The following ADAP1 variants were observed in gnomAD, a reference collection of about 807,000 sequenced individuals.
ADAP1 encodes ArfGAP with dual PH domains 1, also known as arf-GAP with dual PH domain-containing protein 1.
A neutral mutation model predicts 54.9 loss-of-function variants in ADAP1; 31 were observed. The observed-to-expected ratio is 0.56, with a 90% confidence interval of 0.42 to 0.76. The LOEUF (loss-of-function observed/expected upper bound fraction) is 0.76. Among genes scored for constraint, ADAP1 ranks in the 30% least tolerant of loss-of-function variants. The pLI, the probability that ADAP1 is intolerant of heterozygous loss-of-function variation, is 0.00. For synonymous variants in ADAP1, 313 were observed against 202.6 expected, an observed-to-expected ratio of 1.55 and a Z score of -4.63; for missense variants, 535 against 512.4, an observed-to-expected ratio of 1.04 and a Z score of -0.42.
intron 4 of ADAP1, among the ~76,000 whole-genome samples, chr7:913,353 A>C (rs914715981): frequency 2.0e-5 from 3 of 151,796 alleles, no homozygotes; most frequent in Non-Finnish European, 4.4e-5. Flanking sequence ...GGCGCCCGCC[A>C]CCACACCCAG....
intron 4 of ADAP1, among the ~76,000 whole-genome samples, chr7:919,303 C>G (rs1846064328): frequency 6.6e-6 from 1 of 152,266 alleles, no homozygotes; most frequent in East Asian, 1.9e-4. Context: ...CCCTGCAGGC[C>G]ACCCCCGAAT....
rs1223851432 is a variant in ADAP1, at chr7:904,252, C to T, written c.522G>A (p.Val174=). Residue 174 remains valine, a synonymous_variant, in exon 6 of 11, where the codon GTG becomes GTA. Transcript: ENST00000265846. ...NRNDAKEPKA[V]MKIEHLNATF... is the part of the protein sequence containing the mutation. ...TGGCGTTCAGGTGCTCGATCTTCAT[C>T]ACGGCCTTGGGCTCCTTGGCCTGAG... 1 of 1,604,088 alleles carries T rather than the reference C, an allele frequency of 6.2e-7. No homozygotes were observed. Among genetic ancestry groups the T allele is most frequent in the Non-Finnish European group, 8.5e-7 (1 of 1,175,244 alleles).
In ADAP1 at chr7:900,259, C is replaced by T. The variant is rs1191015691; in HGVS notation, c.733-95G>A. ...CCCTCTGTGCTCCCCTCACCCCGGG[C>T]CACCAGGTCAGGGCCCAGGCCTGGC... On this transcript the variant is annotated intron_variant, in intron 7 of 10. Transcript: ENST00000265846. The T allele has an allele frequency of 2.0e-6, 3 of 1,487,086 alleles. No individual in the cohort carries two copies. In the South Asian group the frequency reaches 3.4e-5, roughly 17 times the overall value. 92.1% of individuals were successfully genotyped at this position (1,487,086 alleles called of 1,614,324 possible).
At chr7:937,051 C>CGGATTTGGGGGTCATGCCCGGCCTCTG (rs1486677068) in intron 1 of ADAP1, among the ~76,000 whole-genome samples, 3 of 149,604 alleles carry the variant, frequency 2.0e-5, no homozygotes, top group East Asian at 2.0e-4. Context: ...GGCTGAACCT[C>CGGATTTGGGGGTCATGCCCGGCCTCTG]GGATTTGGGG....
intron 2 of ADAP1, among the ~76,000 whole-genome samples, chr7:931,362 C>T (rs946709282): frequency 1.3e-5 from 2 of 152,294 alleles, no homozygotes; most frequent in East Asian, 1.9e-4. Flanking sequence ...ATAAAGCAAA[C>T]GTGTTCCATC....
chr7:901,353 C>T (rs1844803031), intron 6 of ADAP1: 1 of 231,086 alleles, frequency 4.3e-6, no homozygotes, highest in Non-Finnish European at 8.8e-6. Context: ...CAGCCTACAG[C>T]CTGGAGCTGG....
At chr7:949,497 G>A (rs1847217967) in intron 1 of ADAP1, among the ~76,000 whole-genome samples, 1 of 152,210 alleles carries the variant, frequency 6.6e-6, no homozygotes. Flanking sequence ...AGGGCCTGGG[G>A]GCAGGGGCAG....
At chr7:899,901 G>A (rs535211117) in intron 8 of ADAP1, among the ~76,000 whole-genome samples, 21 of 152,326 alleles carry the variant, frequency 1.4e-4, no homozygotes, top group Admixed American at 3.3e-4. Context: ...AGACGTGAGC[G>A]GGCAGGGAGG....
chr7:954,484 G>A lies in ADAP1; in HGVS notation c.-7C>T, dbSNP rs1456824940. On this transcript the variant is annotated 5_prime_UTR_variant, in exon 1 of 11. Transcript: ENST00000265846. ...TGCGCCGCTCCTTGGCCATGGCCGC[G>A]ATGCGCCCGCGATGCCGATGCCGGG... is the stretch of plus-strand genomic sequence containing the variant. The A allele has an allele frequency of 2.0e-6, 2 of 1,024,838 alleles. No individual in the cohort carries two copies. The highest frequency in any genetic ancestry group is 2.3e-6 in the Non-Finnish European group (2 of 857,558). 63.5% of individuals were successfully genotyped at this position (1,024,838 alleles called of 1,614,324 possible). A position where few individuals can be genotyped will look rare whatever the true frequency, so the allele number is the denominator to read the frequency against.
chr7:898,524 C>T lies in ADAP1; in HGVS notation c.*397G>A. 3.4e-6 allele frequency: 1 copy of T among 296,874 alleles called. No homozygotes were observed. The allele number at this position is 296,874 out of a possible 1,614,324, so 18.4% of individuals were successfully genotyped here. A position where few individuals can be genotyped will look rare whatever the true frequency, so the allele number is the denominator to read the frequency against. On this transcript the variant is annotated 3_prime_UTR_variant, in exon 11 of 11. Coordinates refer to ENST00000265846, the MANE Select transcript of ADAP1 (RefSeq NM_006869.4). ...GCAGGGCCCAGTCCCCAGCGGCCGG[C>T]AGCTGCCCACCGTGCTGGCCCCAAG...
In ADAP1 at chr7:904,943, C is replaced by CA. The variant is rs1554271402; in HGVS notation, c.501+116_501+117insT. 3,162 of 854,098 alleles carry CA rather than the reference C, an allele frequency of 3.7e-3. 55 individuals are homozygous for CA. In the African/African-American group the frequency reaches 0.038, roughly 10 times the overall value. The allele number at this position is 854,098 out of a possible 1,614,324, so 52.9% of individuals were successfully genotyped here. ...GCCGGTTCTCCTGGAGCGTCCCCAT[C>CA]GGGGGGGGCAGCAGGGAGGGCAGCT... On this transcript the variant is annotated intron_variant, in intron 5 of 10. Coordinates refer to ENST00000265846, the MANE Select transcript of ADAP1 (RefSeq NM_006869.4).
intron 8 of ADAP1, 44 bp from the exon 9 acceptor site, chr7:899,534 G>A: frequency 6.3e-7 from 1 of 1,593,346 alleles, no homozygotes; most frequent in Non-Finnish European, 8.5e-7. Context: ...CGCCGAGGCA[G>A]GCCCTACATC....
chr7:905,240 G>C, intron 4 of ADAP1, 68 bp from the exon 5 acceptor site: 2 of 1,194,976 alleles, frequency 1.7e-6, no homozygotes, highest in Non-Finnish European at 2.4e-6. Context: ...GAGTGACGAT[G>C]GACAGGACAG....
intron 4 of ADAP1, among the ~76,000 whole-genome samples, chr7:912,118 G>C (rs1190102890): frequency 6.6e-6 from 1 of 152,198 alleles, no homozygotes; most frequent in Non-Finnish European, 1.5e-5. Flanking sequence ...TCTGCCCTGT[G>C]ACATTTACGG....
At chr7:935,606 G>A in intron 1 of ADAP1, 101 bp from the exon 2 acceptor site, 1 of 1,457,492 alleles carries the variant, frequency 6.9e-7, no homozygotes. Context: ...TGCAGTGGGG[G>A]GGGCTTCAGC....
intron 4 of ADAP1, among the ~76,000 whole-genome samples, chr7:914,217 C>T (rs958610195): frequency 1.3e-5 from 2 of 152,230 alleles, no homozygotes; most frequent in Non-Finnish European, 2.9e-5. Flanking sequence ...GAGCGGGAGC[C>T]ACCTGGCCCA....
At position 898,424 on chromosome 7, in the gene ADAP1, C is replaced by T. The variant is rs1426582806; in HGVS notation, c.*497G>A. ...TAATCCACCCAAACACCCCACGGCC[C>T]TCATAGCCCCGTGACACACAACAGG... On this transcript the variant is annotated 3_prime_UTR_variant, in exon 11 of 11. Transcript: ENST00000265846. The T allele has an allele frequency of 4.8e-6, 1 of 207,470 alleles. No homozygotes were observed. Among genetic ancestry groups the T allele is most frequent in the Admixed American group, 5.2e-5 (1 of 19,146 alleles). 12.9% of individuals were successfully genotyped at this position (207,470 alleles called of 1,614,324 possible).
Position 935,520 on chromosome 7 carries a change from C to T in ADAP1, c.83-15G>A, listed in dbSNP as rs1322763412. ...CCAGTCGGGATCTGCAAGGGAAAGCCGGACGTTCACGGAGGCTCAGCCCAG... is the reference window on the plus strand; with the variant it reads ...CCAGTCGGGATCTGCAAGGGAAAGCTGGACGTTCACGGAGGCTCAGCCCAG... On this transcript the variant is annotated splice_polypyrimidine_tract_variant and intron_variant, in intron 1 of 10. Coordinates refer to ENST00000265846, the MANE Select transcript of ADAP1 (RefSeq NM_006869.4). 6.4e-7 allele frequency: 1 copy of T among 1,558,458 alleles called. No individual in the cohort carries two copies. The highest frequency in any genetic ancestry group is 1.2e-5 in the South Asian group (1 of 84,528).
chr7:907,582 C>A (rs1845525841), intron 4 of ADAP1, among the ~76,000 whole-genome samples: 1 of 152,208 alleles, frequency 6.6e-6, no homozygotes, highest in South Asian at 2.1e-4. Flanking sequence ...CCCCCAGGCC[C>A]CGCTCCCACT....
Sources: allele counts gnomAD v4.1 joint callset (sites outside exome capture counted in the v4.1 genomes callset), GRCh38; gene constraint gnomAD v4.1.1; transcripts MANE v1.5; gene names NCBI Gene and HGNC (gene_info 2026-07-23, HGNC 2026-07-21).